The following SNX9 variants were observed in gnomAD, a reference collection of about 807,000 sequenced individuals.
SNX9 encodes sorting nexin-9.
In SNX9, 44 loss-of-function variants were observed where a neutral mutation model predicts 89.4. That is an observed-to-expected ratio of 0.49 (90% CI 0.39 to 0.63). SNX9 has a LOEUF of 0.63. Among genes scored for constraint, SNX9 ranks in the 30% least tolerant of loss-of-function variants. SNX9 has a pLI of 0.00. For missense variants in SNX9, 578 were observed against 736.1 expected, an observed-to-expected ratio of 0.79 and a Z score of 2.49; for synonymous variants, 236 against 247.8, an observed-to-expected ratio of 0.95 and a Z score of 0.45.
intron 6 of SNX9, among the ~76,000 whole-genome samples, chr6:157,904,373 G>A (rs1783166842): frequency 1.3e-5 from 2 of 152,042 alleles, no homozygotes; most frequent in Admixed American, 1.3e-4. Flanking sequence ...GACGGAGGTT[G>A]CAGTGAGCCG....
chr6:157,840,456 C>CTTTCTTTCCT (rs1295594967), intron 1 of SNX9, among the ~76,000 whole-genome samples: 15 of 149,638 alleles, frequency 1.0e-4, no homozygotes, highest in Non-Finnish European at 1.5e-4. Flanking sequence ...CCTTTCCTTC[C>CTTTCTTTCCT]TTCCTTCCTT....
At position 157,944,336 on chromosome 6, in the gene SNX9, A is replaced by G. The variant is rs1257279219; in HGVS notation, c.*1498A>G. 2.0e-5 allele frequency: 3 copies of G among 152,658 alleles called. No homozygotes were observed. Among genetic ancestry groups the G allele is most frequent in the Non-Finnish European group, 2.9e-5 (2 of 68,038 alleles). 9.5% of individuals were successfully genotyped at this position (152,658 alleles called of 1,614,324 possible). The stretch of plus-strand genomic sequence containing the variant: ...TATCACGGGTTTTTGTTAATGTTTC[A>G]TAAGTAATTCTCCCCACTTGATTTT... On this transcript the variant is annotated 3_prime_UTR_variant, in exon 18 of 18. Coordinates refer to ENST00000392185, the MANE Select transcript of SNX9 (RefSeq NM_016224.5).
rs188548924 is a variant in SNX9 at position 157,930,795 on chromosome 6, C to G, written c.1289-1400C>G. On this transcript the variant is annotated intron_variant, in intron 12 of 17. Coordinates refer to ENST00000392185, the MANE Select transcript of SNX9 (RefSeq NM_016224.5). The stretch of plus-strand genomic sequence containing the variant: ...GCCAGAAAGGTTGGGGACCGTTGCT[C>G]TAAAGTATAAATGAAAGAATTCAGT... 2.3e-3 allele frequency among the ~76,000 whole-genome samples: 343 copies of G among 152,224 alleles called. 2 individuals are homozygous for G. Among genetic ancestry groups the G allele is most frequent in the Admixed American group, 6.9e-3 (105 of 15,286 alleles).
At chr6:157,930,560 C>T (rs763191646) in intron 12 of SNX9, among the ~76,000 whole-genome samples, 7 of 152,272 alleles carry the variant, frequency 4.6e-5, no homozygotes, top group African/African-American at 1.2e-4. Flanking sequence ...CTCACATTAC[C>T]GCCTGAGCTC....
At chr6:157,878,820 C>T (rs535531836) in intron 4 of SNX9, among the ~76,000 whole-genome samples, 3 of 152,234 alleles carry the variant, frequency 2.0e-5, no homozygotes, top group South Asian at 2.1e-4. Context: ...TGACTTATGA[C>T]GGATACAGGC....
intron 2 of SNX9, among the ~76,000 whole-genome samples, chr6:157,870,443 C>T (rs777472791): frequency 2.0e-5 from 3 of 151,876 alleles, no homozygotes; most frequent in Non-Finnish European, 4.4e-5. Context: ...TGCTGTCACA[C>T]AGATGCAGCA....
At chr6:157,871,857 AC>A (rs1782420422) in intron 2 of SNX9, among the ~76,000 whole-genome samples, 1 of 148,316 alleles carries the variant, frequency 6.7e-6, no homozygotes, top group Non-Finnish European at 1.5e-5. Flanking sequence ...GCTCACTGTA[AC>A]CTCTGCCTTC....
chr6:157,834,170 T>G lies in SNX9; in HGVS notation c.12+10724T>G, dbSNP rs1022780416. On this transcript the variant is annotated intron_variant, in intron 1 of 17. Coordinates refer to ENST00000392185, the MANE Select transcript of SNX9 (RefSeq NM_016224.5). ...CTGTGGTTTTTTTTTTTTTTTTTTTTTTTTTTTTTTTTTTTGAGTCAGGGT... is the reference window on the plus strand; with the variant it reads ...CTGTGGTTTTTTTTTTTTTTTTTTTGTTTTTTTTTTTTTTTGAGTCAGGGT... Among the ~76,000 whole-genome samples, 235 of 120,656 alleles carry G rather than the reference T, an allele frequency of 1.9e-3. 4 individuals are homozygous for G. Among genetic ancestry groups the G allele is most frequent in the Middle Eastern group, 7.9e-3 (2 of 252 alleles). 79.2% of individuals were successfully genotyped at this position (120,656 alleles called of 152,430 possible).
At chr6:157,844,101 C>T (rs1246968763) in intron 1 of SNX9, among the ~76,000 whole-genome samples, 1 of 152,028 alleles carries the variant, frequency 6.6e-6, no homozygotes, top group East Asian at 1.9e-4. Context: ...TCTCGAACTC[C>T]TGGCCCCAAG....
intron 4 of SNX9, among the ~76,000 whole-genome samples, chr6:157,884,274 T>G (rs1782687111): frequency 6.6e-6 from 1 of 151,652 alleles, no homozygotes; most frequent in African/African-American, 2.4e-5. Context: ...ACAGAGATTT[T>G]CCATGTAATT....
intron 1 of SNX9, among the ~76,000 whole-genome samples, chr6:157,846,552 A>T (rs934128458): frequency 6.6e-6 from 1 of 152,240 alleles, no homozygotes; most frequent in African/African-American, 2.4e-5. Flanking sequence ...AAAGATCAGT[A>T]TGTTTCACTT....
At chr6:157,827,370 A>T (rs1781387831) in intron 1 of SNX9, among the ~76,000 whole-genome samples, 1 of 5,816 alleles carries the variant, frequency 1.7e-4, no homozygotes, top group Non-Finnish European at 2.1e-4. Context: ...AGTTTATATA[A>T]TATATAAACA....
chr6:157,944,479 A>G lies in SNX9; in HGVS notation c.*1641A>G, dbSNP rs181998988. On this transcript the variant is annotated 3_prime_UTR_variant, in exon 18 of 18. Transcript: ENST00000392185. ...TGTAAGAGCATGTAGAAGCCAACAT[A>G]TAAATAAATTGTTTAAAAAAACTGT... 2.0e-5 allele frequency: 3 copies of G among 152,800 alleles called. No homozygotes were observed. Among genetic ancestry groups the G allele is most frequent in the Admixed American group, 6.5e-5 (1 of 15,308 alleles). 9.5% of individuals were successfully genotyped at this position (152,800 alleles called of 1,614,324 possible).
At chr6:157,916,036 CT>C (rs1240251607) in intron 9 of SNX9, among the ~76,000 whole-genome samples, 149 of 142,544 alleles carry the variant, frequency 1.0e-3, no homozygotes, top group Admixed American at 1.2e-3. Context: ...TTTGTCTTTT[CT>C]TTTTTTTTTT....
intron 10 of SNX9, among the ~76,000 whole-genome samples, chr6:157,926,024 G>A (rs1453744160): frequency 2.6e-5 from 4 of 152,280 alleles, no homozygotes; most frequent in Non-Finnish European, 4.4e-5. Context: ...CTTTTATCAG[G>A]ATGCTAATCT....
intron 7 of SNX9, among the ~76,000 whole-genome samples, chr6:157,906,948 A>T (rs953673239): frequency 1.3e-5 from 2 of 152,210 alleles, no homozygotes; most frequent in African/African-American, 4.8e-5. Flanking sequence ...TCAATCGAGG[A>T]TGAGGAAACA....
intron 1 of SNX9, among the ~76,000 whole-genome samples, chr6:157,837,508 A>C (rs770434260): frequency 2.0e-5 from 3 of 152,174 alleles, no homozygotes; most frequent in Non-Finnish European, 4.4e-5. Context: ...CCAGTTTTTA[A>C]TGTTATTTGT....
At chr6:157,913,101 G>A (rs1343682082) in intron 9 of SNX9, among the ~76,000 whole-genome samples, 1 of 152,186 alleles carries the variant, frequency 6.6e-6, no homozygotes, top group Non-Finnish European at 1.5e-5. Flanking sequence ...CCCAGGTCCA[G>A]ACTGGCTTTC....
chr6:157,857,733 C>T (rs1782040992), intron 1 of SNX9, among the ~76,000 whole-genome samples: 1 of 147,652 alleles, frequency 6.8e-6, no homozygotes, highest in Admixed American at 6.7e-5. Context: ...TTAGTTTGTC[C>T]TGTTTCAGAA....
Sources: allele counts gnomAD v4.1 joint callset (sites outside exome capture counted in the v4.1 genomes callset), GRCh38; gene constraint gnomAD v4.1.1; transcripts MANE v1.5; gene names NCBI Gene and HGNC (gene_info 2026-07-23, HGNC 2026-07-21).